Variants in KIAA0753 observed in about 807,000 individuals in gnomAD.
KIAA0753 encodes KIAA0753.
In KIAA0753, 114 loss-of-function variants were observed where a neutral mutation model predicts 116.9. That is an observed-to-expected ratio of 0.98 (90% CI 0.84 to 1.14). The LOEUF (loss-of-function observed/expected upper bound fraction) is 1.14, where lower values mean the gene tolerates loss of function less well. Ranked by LOEUF, KIAA0753 falls within the 50% of genes most tolerant of loss-of-function variation. The pLI is 0.00. For missense variants in KIAA0753, 1,156 were observed against 1,172.4 expected (o/e 0.99, Z 0.20); for synonymous variants, 405 against 413.1 (o/e 0.98, Z 0.24).
chr17:6,615,290 T>A (rs1481172583), intron 7 of KIAA0753, among the ~76,000 whole-genome samples: 4 of 152,142 alleles, frequency 2.6e-5, no homozygotes, highest in Admixed American at 6.5e-5. Context: ...GTTAGTCACC[T>A]AGTAGCTGTC....
intron 15 of KIAA0753, 141 bp from the exon 16 acceptor site, chr17:6,595,194 G>A (rs2150770274): frequency 4.7e-6 from 3 of 634,006 alleles, no homozygotes; most frequent in Admixed American, 2.9e-5. Context: ...AGGCCAGGAA[G>A]TAATTAGTTC....
At chr17:6,590,918 A>G (rs1334507123) in intron 16 of KIAA0753, among the ~76,000 whole-genome samples, 1 of 152,078 alleles carries the variant, frequency 6.6e-6, no homozygotes, top group Non-Finnish European at 1.5e-5. Context: ...TTCCATTAGG[A>G]CCCAGCCACC....
At chr17:6,615,214 C>T (rs1293545766) in intron 7 of KIAA0753, among the ~76,000 whole-genome samples, 4 of 152,230 alleles carry the variant, frequency 2.6e-5, no homozygotes, top group Non-Finnish European at 5.9e-5. Context: ...GGATTACAGG[C>T]GTGAGCCACT....
intron 18 of KIAA0753, among the ~76,000 whole-genome samples, chr17:6,584,786 T>C (rs1199906164): frequency 6.6e-6 from 1 of 152,210 alleles, no homozygotes; most frequent in Non-Finnish European, 1.5e-5. Flanking sequence ...GTAATCTAGA[T>C]CTTCCAGTAG....
At chr17:6,588,943 G>A (rs2150742881) in intron 18 of KIAA0753, among the ~76,000 whole-genome samples, 1 of 152,286 alleles carries the variant, frequency 6.6e-6, no homozygotes, top group African/African-American at 2.4e-5. Context: ...GCCTGCTACT[G>A]ATAAAAGCAA....
intron 18 of KIAA0753, among the ~76,000 whole-genome samples, chr17:6,585,353 A>ATTTATTCCT (rs1309087795): frequency 6.6e-6 from 1 of 152,104 alleles, no homozygotes; most frequent in Admixed American, 6.5e-5. Flanking sequence ...TGTTCTATTC[A>ATTTATTCCT]TTTATTCCTT....
intron 11 of KIAA0753, 89 bp from the exon 12 acceptor site, chr17:6,607,051 T>C: frequency 6.9e-7 from 1 of 1,440,586 alleles, no homozygotes; most frequent in Non-Finnish European, 9.8e-7. Context: ...CCCCTTGGCT[T>C]CTTAAGTGAC....
At position 6,579,733 on chromosome 17, in the gene KIAA0753, G is replaced by A. The variant is rs377427668; in HGVS notation, c.*14C>T. On this transcript the variant is annotated 3_prime_UTR_variant, in exon 19 of 19. Coordinates refer to ENST00000361413, the MANE Select transcript of KIAA0753 (RefSeq NM_014804.3). ...TCTCCAGTGTGACACAAATGGCCTC[G>A]CCTCAGAGAGCCTTTATGTAGCAGC... The A allele has an allele frequency of 1.9e-4, 292 of 1,570,218 alleles. No homozygotes were observed. Among genetic ancestry groups the A allele is most frequent in the Non-Finnish European group, 2.5e-4 (288 of 1,141,430 alleles).
At position 6,595,007 on chromosome 17, in the gene KIAA0753, G is replaced by C; in HGVS notation, c.2405C>G (p.Ala802Gly). ...VRQRYNKIAY[A>G]DPRLWMQEEN... is the part of the protein sequence containing the mutation. ...TTCCTGCATCCAAAGTCGAGGATCA[G>C]CATATGCGATTTTATTATATCTTTG... is the stretch of plus-strand genomic sequence containing the variant. Residue 802 changes from alanine (A) to glycine (G), a missense_variant, in exon 16 of 19, where the codon GCT (alanine) becomes GGT (glycine). Coordinates refer to ENST00000361413, the MANE Select transcript of KIAA0753 (RefSeq NM_014804.3). The C allele has an allele frequency of 6.2e-7, 1 of 1,612,442 alleles. No individual in the cohort carries two copies. The highest frequency in any genetic ancestry group is 8.5e-7 in the Non-Finnish European group (1 of 1,178,940).
At chr17:6,600,499 A>G (rs763873845) in intron 12 of KIAA0753, 41 bp from the exon 13 acceptor site, 4 of 1,476,774 alleles carry the variant, frequency 2.7e-6, no homozygotes, top group Non-Finnish European at 2.8e-6. Context: ...CAAAGGCAAT[A>G]AAATATCCTA....
chr17:6,602,713 C>T (rs1304518042), intron 12 of KIAA0753, among the ~76,000 whole-genome samples: 2 of 152,158 alleles, frequency 1.3e-5, no homozygotes, highest in Middle Eastern at 3.2e-3. Flanking sequence ...CAGGGATATG[C>T]ATTTGTCAAA....
intron 12 of KIAA0753, among the ~76,000 whole-genome samples, chr17:6,602,690 C>T (rs1291177933): frequency 1.3e-5 from 2 of 152,152 alleles, no homozygotes; most frequent in Non-Finnish European, 2.9e-5. Flanking sequence ...TCTTGATTAG[C>T]GTTTTGGTTA....
chr17:6,611,382 C>A (rs866250864), intron 8 of KIAA0753, among the ~76,000 whole-genome samples: 14 of 152,052 alleles, frequency 9.2e-5, no homozygotes, highest in African/African-American at 3.1e-4. Context: ...CTCACTGCAG[C>A]TTCAAACTCC....
At position 6,635,354 on chromosome 17, in the gene KIAA0753, T is replaced by C. The variant is rs16955991; in HGVS notation, c.-68-183A>G. 0.18 allele frequency: 47,505 copies of C among 269,754 alleles called. 5,578 individuals are homozygous for C. Among genetic ancestry groups the C allele is most frequent in the African/African-American group, 0.39 (13,698 of 35,166 alleles). 16.7% of individuals were successfully genotyped at this position (269,754 alleles called of 1,614,324 possible). A position where few individuals can be genotyped will look rare whatever the true frequency, so the allele number is the denominator to read the frequency against. On this transcript the variant is annotated intron_variant, in intron 1 of 18. Coordinates refer to ENST00000361413, the MANE Select transcript of KIAA0753 (RefSeq NM_014804.3). Reference sequence around the variant, plus strand: ...TCCATTTATAAAAGCAACCACACTTTGGAAGTTCCCAATTTCAAAAACAAA... The same window carrying C: ...TCCATTTATAAAAGCAACCACACTTCGGAAGTTCCCAATTTCAAAAACAAA...
In KIAA0753 at chr17:6,589,687, A is replaced by G; in HGVS notation, c.2786+92T>C. 5.3e-6 allele frequency: 5 copies of G among 937,846 alleles called. No homozygotes were observed. In the South Asian group the frequency reaches 6.7e-5, roughly 13 times the overall value. The allele number at this position is 937,846 out of a possible 1,614,324, so 58.1% of individuals were successfully genotyped here. ...ACTCCAGGGCCCAAAAGCATATGGG[A>G]TAAGACCTTGGCTAATGCTTTCTCC... On this transcript the variant is annotated intron_variant, in intron 18 of 18. Coordinates refer to ENST00000361413, the MANE Select transcript of KIAA0753 (RefSeq NM_014804.3).
At chr17:6,623,637 T>C in intron 4 of KIAA0753, 66 bp from the exon 5 acceptor site, 2 of 1,558,378 alleles carry the variant, frequency 1.3e-6, no homozygotes, top group African/African-American at 2.8e-5. Flanking sequence ...TAGAAAAGGA[T>C]GCATCGATAT....
At chr17:6,581,497 T>G (rs889476401) in intron 18 of KIAA0753, among the ~76,000 whole-genome samples, 13 of 152,208 alleles carry the variant, frequency 8.5e-5, no homozygotes, top group African/African-American at 3.1e-4. Context: ...TTCCCCTTTG[T>G]AATTAATAGG....
At chr17:6,621,076 G>T in intron 6 of KIAA0753, 78 bp from the exon 7 acceptor site, 1 of 1,309,364 alleles carries the variant, frequency 7.6e-7, no homozygotes, top group South Asian at 1.3e-5. Context: ...TGAAAATAAG[G>T]ACTCCAGGGA....
chr17:6,633,314 T>A (rs116717488), intron 2 of KIAA0753, among the ~76,000 whole-genome samples: 3,128 of 152,218 alleles, frequency 0.021, 102 homozygotes, highest in African/African-American at 0.07. Flanking sequence ...TGTCAAAAAA[T>A]TTTTTTAAAT....
Sources: allele counts gnomAD v4.1 joint callset (sites outside exome capture counted in the v4.1 genomes callset), GRCh38; gene constraint gnomAD v4.1.1; transcripts MANE v1.5; gene names NCBI Gene and HGNC (gene_info 2026-07-23, HGNC 2026-07-21).